CSPP1: variants seen among roughly 807,000 people sequenced by gnomAD.
CSPP1 encodes centrosome and spindle pole-associated protein 1.
Under a neutral mutation model 164.4 loss-of-function variants are expected in CSPP1, and 126 were observed. The ratio of observed to expected loss-of-function variants is 0.77; its 90% confidence interval spans 0.66 to 0.89. The LOEUF is 0.89. Among genes scored for constraint, CSPP1 ranks in the 40% least tolerant of loss-of-function variants. The pLI, the probability that CSPP1 is intolerant of heterozygous loss-of-function variation, is 0.00. For synonymous variants in CSPP1, 472 were observed against 476.7 expected, an observed-to-expected ratio of 0.99 and a Z score of 0.13; for missense variants, 1,395 against 1,449.8, an observed-to-expected ratio of 0.96 and a Z score of 0.61.
At chr8:67,160,017 TTTTCTTTTC>T (rs1414760997) in intron 21 of CSPP1, among the ~76,000 whole-genome samples, 22 of 100,012 alleles carry the variant, frequency 2.2e-4, no homozygotes, top group Non-Finnish European at 2.6e-4. Flanking sequence ...TTTTCTTTTC[TTTTCTTTTC>T]TTTTCTTTTT....
intron 4 of CSPP1, among the ~76,000 whole-genome samples, chr8:67,088,575 A>G: frequency 6.9e-6 from 1 of 144,254 alleles, no homozygotes; most frequent in East Asian, 2.5e-4. Context: ...GGCATGAGCC[A>G]CCGCACCCGG....
rs1822335211 is a variant in CSPP1 at position 67,136,593 on chromosome 8, A to T, written c.1828-863A>T. 2.0e-5 allele frequency among the ~76,000 whole-genome samples: 3 copies of T among 150,990 alleles called. No homozygotes were observed. The South Asian group carries it at 6.2e-4, about 31-fold the overall frequency. Reference sequence around the variant, plus strand: ...CAAAAAAAAAAAAAAAAAAAAAAAAAAATGCAATGTCCGCAAAGCACAATA... The same window carrying T: ...CAAAAAAAAAAAAAAAAAAAAAAAATAATGCAATGTCCGCAAAGCACAATA... On this transcript the variant is annotated intron_variant, in intron 16 of 30. Transcript: ENST00000678616.
rs943662063 is a variant in CSPP1, at chr8:67,195,766, A to G, written c.*173A>G. 6 of 597,444 alleles carry G rather than the reference A, an allele frequency of 1.0e-5. No individual in the cohort carries two copies. Among genetic ancestry groups the G allele is most frequent in the African/African-American group, 7.5e-5 (4 of 53,650 alleles). The allele number at this position is 597,444 out of a possible 1,614,324, so 37.0% of individuals were successfully genotyped here. A position where few individuals can be genotyped will look rare whatever the true frequency, so the allele number is the denominator to read the frequency against. ...TTATGTACATAAATAAAAGGCCATGATTATTGATTTATATAATAGAATTGT... is the reference window on the plus strand; with the variant it reads ...TTATGTACATAAATAAAAGGCCATGGTTATTGATTTATATAATAGAATTGT... On this transcript the variant is annotated 3_prime_UTR_variant, in exon 31 of 31. Coordinates refer to ENST00000678616, the MANE Select transcript of CSPP1 (RefSeq NM_001382391.1).
chr8:67,113,523 A>G (rs1424360239), intron 10 of CSPP1, among the ~76,000 whole-genome samples: 1 of 151,904 alleles, frequency 6.6e-6, no homozygotes, highest in Non-Finnish European at 1.5e-5. Context: ...TAAATATTTT[A>G]TTTTTGTGTT....
chr8:67,094,954 TC>T (rs1812433590), intron 6 of CSPP1, among the ~76,000 whole-genome samples: 1 of 152,236 alleles, frequency 6.6e-6, no homozygotes, highest in South Asian at 2.1e-4. Context: ...AGATATGGCT[TC>T]TTTCACTCGG....
At position 67,074,267 on chromosome 8, in the gene CSPP1, G is replaced by A. The variant is rs755838311; in HGVS notation, c.15G>A (p.Leu5=). 55 of 1,608,860 alleles carry A rather than the reference G, an allele frequency of 3.4e-5. No individual in the cohort carries two copies. Among genetic ancestry groups the A allele is most frequent in the Non-Finnish European group, 4.4e-5 (52 of 1,177,268 alleles). Residue 5 remains leucine (L), a synonymous_variant, in exon 2 of 31, where the codon TTG becomes TTA. Transcript: ENST00000678616. ...GAATCTGCAAAATGGCTGATAATTTGGATGAATTTATTGAAGAGCAAAAAG... is the reference window on the plus strand; with the variant it reads ...GAATCTGCAAAATGGCTGATAATTTAGATGAATTTATTGAAGAGCAAAAAG... MADN[L]DEFIEEQKAR...
At chr8:67,161,296 T>C (rs1467515663) in intron 21 of CSPP1, among the ~76,000 whole-genome samples, 1 of 152,224 alleles carries the variant, frequency 6.6e-6, no homozygotes, top group Non-Finnish European at 1.5e-5. Flanking sequence ...GTCTATGTTG[T>C]ATTTACAATG....
At chr8:67,089,297 A>G (rs1811128051) in intron 4 of CSPP1, among the ~76,000 whole-genome samples, 1 of 152,188 alleles carries the variant, frequency 6.6e-6, no homozygotes, top group Non-Finnish European at 1.5e-5. Flanking sequence ...ATCTAAACAC[A>G]GAAAAGACAT....
At chr8:67,101,130 A>G (rs1814010929) in intron 7 of CSPP1, among the ~76,000 whole-genome samples, 1 of 152,242 alleles carries the variant, frequency 6.6e-6, no homozygotes, top group East Asian at 1.9e-4. Context: ...TTGTAACAAT[A>G]TAAGGAAATG....
rs528475034 is a variant in CSPP1, at chr8:67,104,886, C to T, written c.1023-1019C>T. ...AACTCCTGACCTCAGGTAATTCGCC[C>T]GCCTTGGCCTCCCAAAATGCTGGGA... On this transcript the variant is annotated intron_variant, in intron 8 of 30. Transcript: ENST00000678616. Among the ~76,000 whole-genome samples the T allele has an allele frequency of 1.8e-3, 262 of 147,876 alleles. 3 individuals carry two copies. Among genetic ancestry groups the T allele is most frequent in the African/African-American group, 6.3e-3 (251 of 40,080 alleles).
intron 23 of CSPP1, among the ~76,000 whole-genome samples, chr8:67,164,075 T>G (rs1828868526): frequency 6.6e-6 from 1 of 152,228 alleles, no homozygotes; most frequent in African/African-American, 2.4e-5. Context: ...GCACAGTTTG[T>G]GCGACTACCA....
chr8:67,128,012 T>C (rs1192984029), intron 15 of CSPP1, among the ~76,000 whole-genome samples: 1 of 152,238 alleles, frequency 6.6e-6, no homozygotes, highest in Non-Finnish European at 1.5e-5. Flanking sequence ...TAATTTAGCA[T>C]GCTTTAATCT....
At chr8:67,165,488 G>C (rs1474019786) in intron 24 of CSPP1, among the ~76,000 whole-genome samples, 1 of 152,164 alleles carries the variant, frequency 6.6e-6, no homozygotes, top group Non-Finnish European at 1.5e-5. Flanking sequence ...CCCCATACAA[G>C]ATGTACCACA....
intron 28 of CSPP1, among the ~76,000 whole-genome samples, chr8:67,188,944 C>A (rs944842298): frequency 1.3e-5 from 2 of 152,050 alleles, no homozygotes; most frequent in African/African-American, 4.8e-5. Flanking sequence ...ATCTGTGAGG[C>A]CAAGAACCCC....
intron 27 of CSPP1, among the ~76,000 whole-genome samples, chr8:67,178,451 A>T (rs1017321876): frequency 1.3e-5 from 2 of 152,234 alleles, no homozygotes; most frequent in Non-Finnish European, 2.9e-5. Flanking sequence ...AACAAAAGGG[A>T]CAAAAATCCC....
chr8:67,089,436 T>C lies in CSPP1; in HGVS notation c.304-2367T>C, dbSNP rs984525908. On this transcript the variant is annotated intron_variant, in intron 4 of 30. Transcript: ENST00000678616. Reference sequence around the variant, plus strand: ...TTTTCACTTTGAAATCTACCTGATATCTTATGTAGACCATGTCCAAAAGAG... The same window carrying C: ...TTTTCACTTTGAAATCTACCTGATACCTTATGTAGACCATGTCCAAAAGAG... Among the ~76,000 whole-genome samples the C allele has an allele frequency of 4.6e-5, 7 of 152,334 alleles. No individual in the cohort carries two copies. The South Asian group carries it at 1.0e-3, about 23-fold the overall frequency.
At position 67,118,352 on chromosome 8, in the gene CSPP1, A is replaced by C. The variant is rs1278655077; in HGVS notation, c.1601A>C (p.Asp534Ala). 6.2e-7 allele frequency: 1 copy of C among 1,613,586 alleles called. No individual in the cohort carries two copies. The highest frequency in any genetic ancestry group is 1.1e-5 in the South Asian group (1 of 91,070). ...TTTTATGGGTCCAGGAATACTTTCGATCCCAGTCTTGCTTATTGTAAGTTA... is the reference window on the plus strand; with the variant it reads ...TTTTATGGGTCCAGGAATACTTTCGCTCCCAGTCTTGCTTATTGTAAGTTA... ...YYFYGSRNTF[D>A]PSLAYYGSGM... is the part of the protein sequence containing the mutation. The change falls in exon 14 of 31, where the codon GAT (aspartate) becomes GCT (alanine). Residue 534 changes from aspartate to alanine, a missense_variant. By Grantham distance (126) the Asp-to-Ala change is moderately radical (BLOSUM62 -2). Coordinates refer to ENST00000678616, the MANE Select transcript of CSPP1 (RefSeq NM_001382391.1).
At chr8:67,071,163 C>G (rs1226735040) in intron 1 of CSPP1, among the ~76,000 whole-genome samples, 1 of 151,996 alleles carries the variant, frequency 6.6e-6, no homozygotes, top group Non-Finnish European at 1.5e-5. Flanking sequence ...TTAGGTAAAG[C>G]CTGCTTTTCT....
intron 5 of CSPP1, among the ~76,000 whole-genome samples, chr8:67,092,965 T>C (rs972274638): frequency 6.6e-6 from 1 of 152,080 alleles, no homozygotes; most frequent in African/African-American, 2.4e-5. Flanking sequence ...GGGGAGTGGG[T>C]TGGGCATTAG....
Sources: allele counts gnomAD v4.1 joint callset (sites outside exome capture counted in the v4.1 genomes callset), GRCh38; gene constraint gnomAD v4.1.1; transcripts MANE v1.5; gene names NCBI Gene and HGNC (gene_info 2026-07-23, HGNC 2026-07-21).